Variants in CD27 observed in about 807,000 individuals in gnomAD.
CD27 encodes CD27 antigen.
A neutral mutation model predicts 25.9 loss-of-function variants in CD27; 16 were observed. The observed-to-expected ratio is 0.62, with a 90% confidence interval of 0.42 to 0.94. CD27 has a LOEUF of 0.94. Among genes scored for constraint, CD27 ranks in the 40% least tolerant of loss-of-function variants. The pLI is 0.00. For synonymous variants in CD27, 142 were observed against 124.3 expected (o/e 1.14, Z -0.95); for missense variants, 300 against 333.2 (o/e 0.90, Z 0.78).
chr12:6,449,264 T>C (rs1358745250), intron 2 of CD27, among the ~76,000 whole-genome samples: 1 of 151,680 alleles, frequency 6.6e-6, no homozygotes, highest in African/African-American at 2.4e-5. Flanking sequence ...CCCAAAGTGC[T>C]GGGATTACAG....
chr12:6,446,376 C>T (rs1478117934), intron 2 of CD27, among the ~76,000 whole-genome samples: 2 of 152,244 alleles, frequency 1.3e-5, no homozygotes, highest in East Asian at 3.9e-4. Context: ...ATCATAGCTC[C>T]CCACAGCCTT....
At position 6,450,487 on chromosome 12, in the gene CD27, A is replaced by C; in HGVS notation, c.449-54A>C. The C allele has an allele frequency of 2.5e-6, 4 of 1,575,670 alleles. No individual in the cohort carries two copies. Among genetic ancestry groups the C allele is most frequent in the Non-Finnish European group, 3.5e-6 (4 of 1,148,598 alleles). On this transcript the variant is annotated intron_variant, in intron 3 of 5. Transcript: ENST00000266557. This position sits in a 1 kb window ranked among gnomAD's most constrained non-coding sequence, Gnocchi z 4.1. ...CCCATCCAGCACCTCTCAGGCCTTCAGATGTGCCCTATGGGGTCCCCTGCT... is the reference window on the plus strand; with the variant it reads ...CCCATCCAGCACCTCTCAGGCCTTCCGATGTGCCCTATGGGGTCCCCTGCT...
chr12:6,449,108 A>T (rs1441754047), intron 2 of CD27, among the ~76,000 whole-genome samples: 1 of 148,588 alleles, frequency 6.7e-6, no homozygotes, highest in Non-Finnish European at 1.5e-5. Context: ...CGATCCTCCC[A>T]CCTCAGCCTC....
chr12:6,447,927 T>C (rs1489830200), intron 2 of CD27: 1 of 152,334 alleles, frequency 6.6e-6, no homozygotes, highest in African/African-American at 2.4e-5. Flanking sequence ...CATTTCCCTT[T>C]TGGCGGAGAC....
upstream of CD27, chr12:6,444,774 G>A (rs975738116): frequency 8.2e-6 from 2 of 242,934 alleles, no homozygotes; most frequent in African/African-American, 4.6e-5. Context: ...TGGGCTACGT[G>A]CTTCATGAGC....
Position 6,449,375 on chromosome 12 carries a change from G to A in CD27, c.269-798G>A, listed in dbSNP as rs559487406. Reference sequence around the variant, plus strand: ...GTTGCCCAGGCTGGAGTGCAGTGGCGTGATCTCGGCTCACTGCAACTTCCA... The same window carrying A: ...GTTGCCCAGGCTGGAGTGCAGTGGCATGATCTCGGCTCACTGCAACTTCCA... On this transcript the variant is annotated intron_variant, in intron 2 of 5. Coordinates refer to ENST00000266557, the MANE Select transcript of CD27 (RefSeq NM_001242.5). Among the ~76,000 whole-genome samples, 127 of 142,914 alleles carry A rather than the reference G, an allele frequency of 8.9e-4. 1 individual carries two copies. The South Asian group carries it at 0.01, about 12-fold the overall frequency. 93.8% of individuals were successfully genotyped at this position (142,914 alleles called of 152,430 possible). A position where few individuals can be genotyped will look rare whatever the true frequency, so the allele number is the denominator to read the frequency against.
chr12:6,445,083 C>A lies in CD27; in HGVS notation c.-13C>A. 1 of 1,597,338 alleles carries A rather than the reference C, an allele frequency of 6.3e-7. No individual in the cohort carries two copies. The highest frequency in any genetic ancestry group is 8.5e-7 in the Non-Finnish European group (1 of 1,173,838). ...GCAACTGGGCACAGAAAGGAGCCGCCTGGGCAGGGACCATGGCACGGCCAC... is the reference window on the plus strand; with the variant it reads ...GCAACTGGGCACAGAAAGGAGCCGCATGGGCAGGGACCATGGCACGGCCAC... On this transcript the variant is annotated 5_prime_UTR_variant, in exon 1 of 6. The change creates a new upstream start codon in the 5' untranslated region. Transcript: ENST00000266557. The surrounding 1 kb of genome is among the most constrained non-coding windows in gnomAD (Gnocchi z 4.5).
In CD27 at chr12:6,450,163, C is replaced by T. The variant is rs1592122036; in HGVS notation, c.269-10C>T. ...AGTGTCCTATGCTCCCTGGGCCTCT[C>T]TTCCCCCAGGTCTTCTCGTTCGCAA... On this transcript the variant is annotated splice_polypyrimidine_tract_variant and intron_variant, in intron 2 of 5. Coordinates refer to ENST00000266557, the MANE Select transcript of CD27 (RefSeq NM_001242.5). This position sits in a 1 kb window ranked among gnomAD's most constrained non-coding sequence, Gnocchi z 4.1. 19 of 1,608,608 alleles carry T rather than the reference C, an allele frequency of 1.2e-5. No individual in the cohort carries two copies. In the East Asian group the frequency reaches 4.2e-4, roughly 36 times the overall value.
Position 6,451,010 on chromosome 12 carries a change from A to C in CD27, c.654A>C (p.Arg218Ser). 1 of 1,614,044 alleles carries C rather than the reference A, an allele frequency of 6.2e-7. No individual in the cohort carries two copies. The highest frequency in any genetic ancestry group is 8.5e-7 in the Non-Finnish European group (1 of 1,179,978). ...TCCTCCATCAACGAAGGAAATATAGATCAAGTAAGAGACAGAACACAGGCC... is the reference window on the plus strand; with the variant it reads ...TCCTCCATCAACGAAGGAAATATAGCTCAAGTAAGAGACAGAACACAGGCC... Reference protein sequence around the residue: ...ALFLHQRRKYRSNKGESPVEP... With the variant: ...ALFLHQRRKYSSNKGESPVEP... Residue 218 changes from arginine (R) to serine (S), a missense_variant, in exon 5 of 6, where the codon AGA becomes AGC. Physicochemically the swap from Arg to Ser is moderately radical, Grantham distance 110 (BLOSUM62 -1). Transcript: ENST00000266557.
chr12:6,445,258 G>A lies in CD27; in HGVS notation c.136+27G>A. 6.2e-7 allele frequency: 1 copy of A among 1,613,352 alleles called. No homozygotes were observed. The highest frequency in any genetic ancestry group is 8.5e-7 in the Non-Finnish European group (1 of 1,179,754). On this transcript the variant is annotated intron_variant, in intron 1 of 5. Coordinates refer to ENST00000266557, the MANE Select transcript of CD27 (RefSeq NM_001242.5). The surrounding 1 kb of genome is among the most constrained non-coding windows in gnomAD (Gnocchi z 4.5). ...TAAGAGGGGGCCTTGGTAAGGGCCA[G>A]GTGAGTGGCGAAAGAGAGAGGACTG...
chr12:6,449,316 T>TTC (rs1949475288), intron 2 of CD27, among the ~76,000 whole-genome samples: 1 of 16,402 alleles, frequency 6.1e-5, no homozygotes, highest in Non-Finnish European at 9.2e-5. Flanking sequence ...CTTTCTTTTC[T>TTC]TTTTTTTTTT....
upstream of CD27, chr12:6,444,943 T>C: frequency 1.3e-6 from 1 of 742,626 alleles, no homozygotes; most frequent in Non-Finnish European, 2.1e-6. Context: ...ACAGCCACAA[T>C]AGAGATTCTG....
Position 6,451,515 on chromosome 12 carries a change from T to C in CD27, c.*123T>C, listed in dbSNP as rs893848429. 7 of 998,232 alleles carry C rather than the reference T, an allele frequency of 7.0e-6. No individual in the cohort carries two copies. The African/African-American group carries it at 9.7e-5, about 14-fold the overall frequency. 61.8% of individuals were successfully genotyped at this position (998,232 alleles called of 1,614,324 possible). ...CCATCCTCTTGTCAGGGCCCTTTCC[T>C]GTGTACACGTGACAGAGTGCCTTTT... On this transcript the variant is annotated 3_prime_UTR_variant, in exon 6 of 6. Transcript: ENST00000266557.
intron 5 of CD27, 99 bp downstream of exon 5, chr12:6,451,113 C>A: frequency 6.4e-7 from 1 of 1,568,928 alleles, no homozygotes. Context: ...AACCCACCAG[C>A]TCCACTTCAC....
rs1299174665 is a variant in CD27 at position 6,445,216 on chromosome 12, C to A, written c.121C>A (p.Gln41Lys). Residue 41 changes from glutamine to lysine, a missense_variant, in exon 1 of 6, where the codon CAG (glutamine) becomes AAG (lysine). Physicochemically the swap from Gln to Lys is moderately conservative, Grantham distance 53. Coordinates refer to ENST00000266557, the MANE Select transcript of CD27 (RefSeq NM_001242.5). The surrounding 1 kb of genome is among the most constrained non-coding windows in gnomAD (Gnocchi z 4.5). The stretch of plus-strand genomic sequence containing the variant: ...CTGGGCTCAGGGAAAGCTGTGCTGC[C>A]AGATGTGTGAGCCAGGTAAGAGGGG... ...HYWAQGKLCC[Q>K]MCEPGTFLVK... is the part of the protein sequence containing the mutation. The A allele has an allele frequency of 2.5e-6, 4 of 1,613,854 alleles. No individual in the cohort carries two copies. The African/African-American group carries it at 5.3e-5, about 22-fold the overall frequency.
upstream of CD27, among the ~76,000 whole-genome samples, chr12:6,444,317 C>T (rs867536701): frequency 6.6e-6 from 1 of 152,176 alleles, no homozygotes; most frequent in Non-Finnish European, 1.5e-5. Flanking sequence ...CATTCTGTAG[C>T]AAACTCGTTT....
intron 2 of CD27, among the ~76,000 whole-genome samples, chr12:6,449,315 C>CTTTTTTTTTTT (rs549905322): frequency 2.4e-5 from 3 of 123,728 alleles, no homozygotes; most frequent in Non-Finnish European, 3.3e-5. Context: ...TCTTTCTTTT[C>CTTTTTTTTTTT]TTTTTTTTTT....
rs11064195 is a variant in CD27 at position 6,445,019 on chromosome 12, C to A, written c.-77C>A. ...AGGGGGTGCAAAGAAGAGACAGCAG[C>A]GCCCAGCTTGGAGGTGCTAACTCCA... On this transcript the variant is annotated 5_prime_UTR_variant, in exon 1 of 6. Coordinates refer to ENST00000266557, the MANE Select transcript of CD27 (RefSeq NM_001242.5). The surrounding 1 kb of genome is among the most constrained non-coding windows in gnomAD (Gnocchi z 4.5). The A allele has an allele frequency of 2.3e-5, 33 of 1,454,704 alleles. No homozygotes were observed. In the South Asian group the frequency reaches 4.2e-4, roughly 18 times the overall value. The allele number at this position is 1,454,704 out of a possible 1,614,324, so 90.1% of individuals were successfully genotyped here.
rs1949540853 is a variant in CD27, at chr12:6,451,262, C to T, written c.659-6C>T. The T allele has an allele frequency of 8.7e-6, 14 of 1,613,776 alleles. No homozygotes were observed. The East Asian group carries it at 3.1e-4, about 36-fold the overall frequency. Reference sequence around the variant, plus strand: ...TGGCCAAGACTCATCGGATCTCCTTCTGCAGACAAAGGAGAAAGTCCTGTG... The same window carrying T: ...TGGCCAAGACTCATCGGATCTCCTTTTGCAGACAAAGGAGAAAGTCCTGTG... On this transcript the variant is annotated splice_polypyrimidine_tract_variant and splice_region_variant and intron_variant, in intron 5 of 5. Coordinates refer to ENST00000266557, the MANE Select transcript of CD27 (RefSeq NM_001242.5).
Sources: gnomAD v4.1 joint callset for allele counts (sites outside exome capture counted in the v4.1 genomes callset) on GRCh38, gnomAD v4.1.1 for gene constraint, Gnocchi (gnomAD v3.1) non-coding constraint, MANE v1.5 for transcripts, NCBI Gene and HGNC (gene_info 2026-07-23, HGNC 2026-07-21) for gene names.